The following TBX19 variants were observed in gnomAD, a reference collection of about 807,000 sequenced individuals.
The protein encoded by TBX19 is T-box transcription factor 19.
TBX19 carries 33 observed loss-of-function variants against 40.9 expected under a neutral mutation model. The observed-to-expected ratio is 0.81, with a 90% CI of 0.61 to 1.08. The LOEUF (loss-of-function observed/expected upper bound fraction) is 1.08. Among genes scored for constraint, TBX19 ranks in the 50% least tolerant of loss-of-function variants. The probability of loss-of-function intolerance (pLI) is 0.00; values close to 1 mark genes in which losing one functional copy is unlikely to be tolerated. For synonymous variants in TBX19, 220 were observed against 225.0 expected (o/e 0.98, Z 0.20); for missense variants, 494 against 574.0 (o/e 0.86, Z 1.42).
At chr1:168,291,872 T>C (rs765326188) in intron 2 of TBX19, among the ~76,000 whole-genome samples, 2 of 152,050 alleles carry the variant, frequency 1.3e-5, no homozygotes, top group Non-Finnish European at 2.9e-5. Context: ...TAATTATCAA[T>C]AGAATATTGA....
intron 1 of TBX19, among the ~76,000 whole-genome samples, chr1:168,290,426 C>T (rs759436811): frequency 5.9e-5 from 9 of 152,362 alleles, no homozygotes; most frequent in South Asian, 4.1e-4. Flanking sequence ...CACGTCCCCA[C>T]GCTTTCTTCA....
At position 168,312,982 on chromosome 1, in the gene TBX19, C is replaced by T. The variant is rs746057850; in HGVS notation, c.1327C>T (p.Pro443Ser). ...CCCAGGAGCGGGTGGGCACCATTCTCCTTCCTCACTGGATGGTTAAGCAGG... is the reference window on the plus strand; with the variant it reads ...CCCAGGAGCGGGTGGGCACCATTCTTCTTCCTCACTGGATGGTTAAGCAGG... ...GGPGAGGHHS[P>S]SSLDG is the part of the protein sequence containing the mutation. The change falls in exon 8 of 8, where the codon CCT (proline) becomes TCT (serine). Residue 443 changes from proline to serine, a missense_variant. By Grantham distance (74) the Pro-to-Ser change is moderately conservative (BLOSUM62 -1). Around this residue, in one of 3 missense-constraint regions of TBX19, gnomAD observed 284 missense variants for 307.3 expected, o/e 0.92. Coordinates refer to ENST00000367821, the MANE Select transcript of TBX19 (RefSeq NM_005149.3). 5.6e-6 allele frequency: 9 copies of T among 1,614,210 alleles called. No homozygotes were observed. The highest frequency in any genetic ancestry group is 3.3e-5 in the South Asian group (3 of 91,078).
chr1:168,287,546 A>G (rs1263874617), intron 1 of TBX19, among the ~76,000 whole-genome samples: 1 of 152,134 alleles, frequency 6.6e-6, no homozygotes, highest in Non-Finnish European at 1.5e-5. Flanking sequence ...TGATCCTCCC[A>G]TCTTGGCCTC....
Position 168,312,588 on chromosome 1 carries a change from A to T in TBX19, c.1053-120A>T, listed in dbSNP as rs1649550865. ...CTGCGTCATAGCTAGAAATAAAGCCATGGCCAGAAGCCCTCCTGTAACCAT... is the reference window on the plus strand; with the variant it reads ...CTGCGTCATAGCTAGAAATAAAGCCTTGGCCAGAAGCCCTCCTGTAACCAT... On this transcript the variant is annotated intron_variant, in intron 7 of 7. Transcript: ENST00000367821. 2.5e-6 allele frequency: 3 copies of T among 1,191,344 alleles called. No individual in the cohort carries two copies. In the South Asian group the frequency reaches 3.7e-5, roughly 15 times the overall value. The allele number at this position is 1,191,344 out of a possible 1,614,324, so 73.8% of individuals were successfully genotyped here. A position where few individuals can be genotyped will look rare whatever the true frequency, so the allele number is the denominator to read the frequency against.
intron 6 of TBX19, among the ~76,000 whole-genome samples, chr1:168,307,339 G>T (rs1649426629): frequency 6.6e-6 from 1 of 152,116 alleles, no homozygotes; most frequent in Non-Finnish European, 1.5e-5. Context: ...ATATGGTAAG[G>T]GTTTTTTGGC....
Position 168,298,834 on chromosome 1 carries a change from T to TC in TBX19, c.665+1050dup, listed in dbSNP as rs1649191235. On this transcript the variant is annotated intron_variant, in intron 4 of 7. Transcript: ENST00000367821. ...CCCTCCCTCCCTTCCTTTCTTTCTTTCTTTCTTTCTTTCTTTCTTTCTTTC... is the reference window on the plus strand; with the variant it reads ...CCCTCCCTCCCTTCCTTTCTTTCTTTCCTTTCTTTCTTTCTTTCTTTCTTTC... Among the ~76,000 whole-genome samples, 3 of 10,942 alleles carry TC rather than the reference T, an allele frequency of 2.7e-4. 1 individual carries two copies. Among genetic ancestry groups the TC allele is most frequent in the Non-Finnish European group, 4.9e-4 (3 of 6,120 alleles). The allele number at this position is 10,942 out of a possible 152,430, so 7.2% of individuals were successfully genotyped here.
intron 3 of TBX19, among the ~76,000 whole-genome samples, chr1:168,294,753 C>T (rs566936177): frequency 6.6e-5 from 10 of 152,256 alleles, no homozygotes; most frequent in Non-Finnish European, 1.3e-4. Context: ...CCATCCACCT[C>T]GGCTTCCCAA....
intron 1 of TBX19, 21 bp from the exon 2 acceptor site, chr1:168,291,137 TAA>T: frequency 6.2e-7 from 1 of 1,613,450 alleles, no homozygotes; most frequent in Non-Finnish European, 8.5e-7. Context: ...CTCCTGTGGC[TAA>T]GTTTCTGCCT....
chr1:168,300,234 G>A (rs1022314685), intron 4 of TBX19, among the ~76,000 whole-genome samples, 188 bp from the exon 5 acceptor site: 1 of 152,042 alleles, frequency 6.6e-6, no homozygotes, highest in African/African-American at 2.4e-5. Context: ...AACTCCAAGA[G>A]CAATTGCACA....
chr1:168,302,204 C>T (rs534133518), intron 5 of TBX19, among the ~76,000 whole-genome samples: 21 of 152,250 alleles, frequency 1.4e-4, no homozygotes, highest in African/African-American at 4.6e-4. Context: ...CCGCTGGGTG[C>T]ATGAATCTTG....
chr1:168,283,201 G>A lies in TBX19; in HGVS notation c.203+1908G>A, dbSNP rs1376336827. Among the ~76,000 whole-genome samples, 4 of 152,174 alleles carry A rather than the reference G, an allele frequency of 2.6e-5. No individual in the cohort carries two copies. In the East Asian group the frequency reaches 7.7e-4, roughly 29 times the overall value. Reference sequence around the variant, plus strand: ...CAAAATGAAATCCTTCATCTTTAACGTCATTTAATATTAGCTACATGAACA... The same window carrying A: ...CAAAATGAAATCCTTCATCTTTAACATCATTTAATATTAGCTACATGAACA... On this transcript the variant is annotated intron_variant, in intron 1 of 7. Coordinates refer to ENST00000367821, the MANE Select transcript of TBX19 (RefSeq NM_005149.3).
chr1:168,297,075 C>T (rs1396324371), intron 3 of TBX19, among the ~76,000 whole-genome samples: 1 of 152,098 alleles, frequency 6.6e-6, no homozygotes, highest in Non-Finnish European at 1.5e-5. Flanking sequence ...TTGTCTCTAT[C>T]TATCTGTTTT....
Position 168,308,882 on chromosome 1 carries a change from G to T in TBX19, c.1052+5G>T. The stretch of plus-strand genomic sequence containing the variant: ...ACCAATCAATCCAGGGCCCAGGTAA[G>T]ACCAACACCATCAACTCGCTCATTG... On this transcript the variant is annotated splice_donor_5th_base_variant and intron_variant, in intron 7 of 7. Transcript: ENST00000367821. The T allele has an allele frequency of 6.2e-7, 1 of 1,614,098 alleles. No homozygotes were observed. The highest frequency in any genetic ancestry group is 8.5e-7 in the Non-Finnish European group (1 of 1,179,998).
intron 6 of TBX19, among the ~76,000 whole-genome samples, chr1:168,307,255 G>A (rs1649424098): frequency 6.6e-6 from 1 of 152,090 alleles, no homozygotes; most frequent in Admixed American, 6.6e-5. Context: ...CTTGAGATTG[G>A]GTAATTTATA....
intron 4 of TBX19, among the ~76,000 whole-genome samples, 183 bp downstream of exon 4, chr1:168,297,968 G>A (rs372240755): frequency 3.9e-5 from 6 of 152,174 alleles, no homozygotes; most frequent in African/African-American, 7.2e-5. Context: ...AGGCCGAGGC[G>A]GGCAGATTAC....
intron 3 of TBX19, among the ~76,000 whole-genome samples, chr1:168,294,287 C>G (rs1400326644): frequency 6.6e-6 from 1 of 152,008 alleles, no homozygotes; most frequent in East Asian, 1.9e-4. Flanking sequence ...TACACTATTT[C>G]ACGTAATCAG....
At chr1:168,303,141 A>G (rs950159588) in intron 5 of TBX19, among the ~76,000 whole-genome samples, 3 of 152,120 alleles carry the variant, frequency 2.0e-5, no homozygotes, top group African/African-American at 4.8e-5. Context: ...TGCTGTACCC[A>G]TTAACTCGTC....
intron 5 of TBX19, among the ~76,000 whole-genome samples, chr1:168,302,656 G>A (rs1649306489): frequency 1.3e-5 from 2 of 151,680 alleles, no homozygotes; most frequent in Admixed American, 1.3e-4. Flanking sequence ...GTAAATAAGT[G>A]GAATGAAAAA....
intron 5 of TBX19, among the ~76,000 whole-genome samples, chr1:168,302,578 T>A (rs1458681017): frequency 2.0e-5 from 3 of 152,140 alleles, no homozygotes. Flanking sequence ...TAGTCTTCTG[T>A]TCAGAATCTT....
Sources: gnomAD v4.1 joint callset for allele counts (sites outside exome capture counted in the v4.1 genomes callset) on GRCh38, gnomAD v4.1.1 for gene constraint, gnomAD v4.1.1 regional missense constraint, MANE v1.5 for transcripts, NCBI Gene and HGNC (gene_info 2026-07-23, HGNC 2026-07-21) for gene names.